The following DUSP22 variants were observed in gnomAD, a reference collection of about 807,000 sequenced individuals.
DUSP22 encodes the protein dual specificity protein phosphatase 22.
In DUSP22, 24 loss-of-function variants were observed where a neutral mutation model predicts 24.5. The observed-to-expected ratio is 0.98, with a 90% confidence interval of 0.71 to 1.38. DUSP22 has a LOEUF of 1.38. Among genes scored for constraint, DUSP22 ranks in the 40% most tolerant of loss-of-function variants. The pLI is 0.00. For synonymous variants in DUSP22, 160 were observed against 106.4 expected (o/e 1.50, Z -3.10); for missense variants, 330 against 269.2 (o/e 1.23, Z -1.58).
At chr6:324,346 C>G (rs529097583) in intron 3 of DUSP22, among the ~76,000 whole-genome samples, 1 of 152,416 alleles carries the variant, frequency 6.6e-6, no homozygotes, top group Admixed American at 6.5e-5. Flanking sequence ...GAGCAGTGAC[C>G]CGCTCATCCT....
chr6:314,002 G>T (rs148182316), intron 3 of DUSP22, among the ~76,000 whole-genome samples: 1 of 152,414 alleles, frequency 6.6e-6, no homozygotes, highest in East Asian at 1.9e-4. Context: ...GTGTCCTCAC[G>T]CAGCCTGAGA....
intron 3 of DUSP22, among the ~76,000 whole-genome samples, chr6:327,001 C>A (rs1758911757): frequency 6.6e-6 from 1 of 152,308 alleles, no homozygotes; most frequent in African/African-American, 2.4e-5. Context: ...ATATTTGGGG[C>A]TTTGGGGACT....
chr6:333,130 G>C (rs1160041497), intron 3 of DUSP22, among the ~76,000 whole-genome samples: 1 of 152,302 alleles, frequency 6.6e-6, no homozygotes, highest in Non-Finnish European at 1.5e-5. Context: ...TAGGTTTGAA[G>C]ATACTTTCAG....
In DUSP22 at chr6:350,663, G is replaced by GT; in HGVS notation, c.*1717dup. On this transcript the variant is annotated 3_prime_UTR_variant, in exon 7 of 7. Coordinates refer to ENST00000419235, the MANE Select transcript of DUSP22 (RefSeq NM_001286555.3). The stretch of plus-strand genomic sequence containing the variant: ...AAAACAATTTGCCAATAAAGTACAT[G>GT]TTTTTCCTAAGCCAAAAATAAATAC... 1.3e-6 allele frequency: 2 copies of GT among 1,523,470 alleles called. No individual in the cohort carries two copies. Among genetic ancestry groups the GT allele is most frequent in the African/African-American group, 1.4e-5 (1 of 72,180 alleles). 94.4% of individuals were successfully genotyped at this position (1,523,470 alleles called of 1,614,324 possible).
intron 4 of DUSP22, chr6:337,174 T>C (rs1350533084): frequency 6.6e-6 from 1 of 152,574 alleles, no homozygotes; most frequent in Non-Finnish European, 1.5e-5. Context: ...AGTGACCCCT[T>C]GCACTATAGA....
At chr6:315,567 A>T (rs886444774) in intron 3 of DUSP22, among the ~76,000 whole-genome samples, 1 of 152,306 alleles carries the variant, frequency 6.6e-6, no homozygotes, top group Non-Finnish European at 1.5e-5. Flanking sequence ...ATCACCTTTG[A>T]AAAAGGTTGT....
At chr6:314,628 C>G (rs1758260847) in intron 3 of DUSP22, among the ~76,000 whole-genome samples, 1 of 152,308 alleles carries the variant, frequency 6.6e-6, no homozygotes, top group African/African-American at 2.4e-5. Flanking sequence ...ACACTTTATT[C>G]CCCTCTGGAA....
At chr6:307,928 C>T (rs909185865) in intron 2 of DUSP22, among the ~76,000 whole-genome samples, 17 of 152,398 alleles carry the variant, frequency 1.1e-4, no homozygotes, top group African/African-American at 3.8e-4. Flanking sequence ...CCATGCTTAA[C>T]AGGTCAGCAT....
chr6:297,212 T>C (rs1757374799), intron 1 of DUSP22, among the ~76,000 whole-genome samples: 2 of 152,304 alleles, frequency 1.3e-5, no homozygotes, highest in Admixed American at 6.5e-5. Flanking sequence ...AAACCTTAGG[T>C]GGTTAGCTAA....
At chr6:335,322 G>T (rs1472141277) in intron 4 of DUSP22, among the ~76,000 whole-genome samples, 159 bp downstream of exon 4, 1 of 152,310 alleles carries the variant, frequency 6.6e-6, no homozygotes, top group African/African-American at 2.4e-5. Flanking sequence ...CCAACGCTAG[G>T]CAGGCTGGGA....
chr6:305,409 A>G (rs1460520081), intron 2 of DUSP22, among the ~76,000 whole-genome samples: 2 of 152,304 alleles, frequency 1.3e-5, no homozygotes, highest in African/African-American at 4.8e-5. Context: ...ACTTATTTAT[A>G]ACCTTTTACA....
At chr6:345,979 G>A in intron 5 of DUSP22, 51 bp downstream of exon 5, 1 of 1,604,924 alleles carries the variant, frequency 6.2e-7, no homozygotes, top group Non-Finnish European at 8.5e-7. Context: ...GGTCGGCTTG[G>A]CTTCCCATCA....
At position 323,538 on chromosome 6, in the gene DUSP22, G is replaced by C. The variant is rs1416224544; in HGVS notation, c.138+11576G>C. Among the ~76,000 whole-genome samples the C allele has an allele frequency of 2.0e-5, 3 of 152,422 alleles. No individual in the cohort carries two copies. In the East Asian group the frequency reaches 5.8e-4, roughly 29 times the overall value. On this transcript the variant is annotated intron_variant, in intron 3 of 6. Coordinates refer to ENST00000419235, the MANE Select transcript of DUSP22 (RefSeq NM_001286555.3). Reference sequence around the variant, plus strand: ...GTTCTCAGGTTTTTCCCCGGCTAGTGGGGGTTAATCCACAAGGCCCTTGGC... The same window carrying C: ...GTTCTCAGGTTTTTCCCCGGCTAGTCGGGGTTAATCCACAAGGCCCTTGGC...
chr6:312,575 T>G (rs1758158363), intron 3 of DUSP22, among the ~76,000 whole-genome samples: 1 of 152,308 alleles, frequency 6.6e-6, no homozygotes, highest in Non-Finnish European at 1.5e-5. Context: ...CTATTTATGT[T>G]TATTAGCCTT....
At chr6:307,015 G>T (rs542048604) in intron 2 of DUSP22, among the ~76,000 whole-genome samples, 1 of 152,428 alleles carries the variant, frequency 6.6e-6, no homozygotes, top group Non-Finnish European at 1.5e-5. Flanking sequence ...TGCCATGGGA[G>T]CCCGATCGAT....
At chr6:306,153 C>T (rs893694884) in intron 2 of DUSP22, among the ~76,000 whole-genome samples, 13 of 152,402 alleles carry the variant, frequency 8.5e-5, no homozygotes, top group Non-Finnish European at 1.5e-4. Flanking sequence ...ATGTAGCAAA[C>T]GTCAGAGTTA....
intron 4 of DUSP22, among the ~76,000 whole-genome samples, chr6:342,603 G>A (rs1307414133): frequency 7.9e-5 from 12 of 152,424 alleles, no homozygotes; most frequent in African/African-American, 2.9e-4. Flanking sequence ...GCTGATATCA[G>A]GTAGCATGAA....
At chr6:296,301 G>A (rs1391056408) in intron 1 of DUSP22, among the ~76,000 whole-genome samples, 3 of 152,420 alleles carry the variant, frequency 2.0e-5, no homozygotes, top group African/African-American at 4.8e-5. Flanking sequence ...ACCACATAGA[G>A]TAAGCCACAA....
intron 1 of DUSP22, among the ~76,000 whole-genome samples, chr6:292,793 A>T (rs1267929397): frequency 6.6e-6 from 1 of 151,506 alleles, no homozygotes; most frequent in African/African-American, 2.4e-5. Flanking sequence ...CTGCCTTGCC[A>T]GCCGGTGCGT....
Sources: gnomAD v4.1 joint callset for allele counts (sites outside exome capture counted in the v4.1 genomes callset) on GRCh38, gnomAD v4.1.1 for gene constraint, MANE v1.5 for transcripts, NCBI Gene and HGNC (gene_info 2026-07-23, HGNC 2026-07-21) for gene names.